The following INPP5F variants were observed in gnomAD, a reference collection of about 807,000 sequenced individuals.
The protein encoded by INPP5F is phosphatidylinositide 4-phosphatase SAC2.
In INPP5F, 97 loss-of-function variants were observed where a neutral mutation model predicts 137.2. That is an observed-to-expected ratio of 0.71 (90% confidence interval 0.60 to 0.84). The LOEUF (loss-of-function observed/expected upper bound fraction) is 0.84, where lower values mean the gene tolerates loss of function less well. Ranked by LOEUF, INPP5F falls within the 40% of genes least tolerant of loss-of-function variation. INPP5F has a pLI of 0.00. For synonymous variants in INPP5F, 504 were observed against 476.9 expected, an observed-to-expected ratio of 1.06 and a Z score of -0.74; for missense variants, 1,271 against 1,371.9, an observed-to-expected ratio of 0.93 and a Z score of 1.16.
rs1020208230 is a variant in INPP5F at position 119,787,532 on chromosome 10, C to T, written c.316-3985C>T. 4.6e-5 allele frequency among the ~76,000 whole-genome samples: 7 copies of T among 151,476 alleles called. No individual in the cohort carries two copies. Among genetic ancestry groups the T allele is most frequent in the African/African-American group, 1.7e-4 (7 of 41,192 alleles). On this transcript the variant is annotated intron_variant, in intron 3 of 19. Coordinates refer to ENST00000650623, the MANE Select transcript of INPP5F (RefSeq NM_014937.4). The surrounding 1 kb of genome is among the most constrained non-coding windows in gnomAD (Gnocchi z 4.1). Reference sequence around the variant, plus strand: ...GGCGGAGGTTGCAGCAAGCTGAGATCGCGCCATTGCACTCTAGCTTGGGTG... The same window carrying T: ...GGCGGAGGTTGCAGCAAGCTGAGATTGCGCCATTGCACTCTAGCTTGGGTG...
chr10:119,773,650 C>CT (rs1849432050), intron 2 of INPP5F, among the ~76,000 whole-genome samples: 1 of 152,132 alleles, frequency 6.6e-6, no homozygotes, highest in Admixed American at 6.5e-5. Context: ...ATTCATTTAT[C>CT]TTTTCCTTTA....
Position 119,827,734 on chromosome 10 carries a change from T to A in INPP5F, c.3353T>A (p.Leu1118His). Residue 1118 changes from leucine to histidine, a missense_variant, in exon 20 of 20, where the codon CTT (leucine) becomes CAT (histidine). Physicochemically the swap from Leu to His is moderately conservative, Grantham distance 99. This residue lies in a region of INPP5F where 490 missense variants were observed against 443.7 expected (regional missense o/e 1.10). Coordinates refer to ENST00000650623, the MANE Select transcript of INPP5F (RefSeq NM_014937.4). The stretch of plus-strand genomic sequence containing the variant: ...ATTAATCAAGTCCAGCAAAATGAAC[T>A]TAAAAAGATGTTTATACAATGCCAG... ...EIINQVQQNELKKMFIQCQTR... is the reference protein window; with the variant it reads ...EIINQVQQNEHKKMFIQCQTR... The A allele has an allele frequency of 6.2e-7, 1 of 1,613,506 alleles. No individual in the cohort carries two copies. The highest frequency in any genetic ancestry group is 8.5e-7 in the Non-Finnish European group (1 of 1,179,644).
At chr10:119,820,268 T>C (rs1456122921) in intron 15 of INPP5F, among the ~76,000 whole-genome samples, 1 of 152,196 alleles carries the variant, frequency 6.6e-6, no homozygotes, top group Non-Finnish European at 1.5e-5. Flanking sequence ...GGTATAAATA[T>C]GGCAAAATGG....
At position 119,827,533 on chromosome 10, in the gene INPP5F, C is replaced by G. The variant is rs1161172835; in HGVS notation, c.3152C>G (p.Thr1051Arg). Residue 1051 changes from threonine to arginine, a missense_variant, in exon 20 of 20, where the codon ACA (threonine) becomes AGA (arginine). Physicochemically the swap from Thr to Arg is moderately conservative, Grantham distance 71 (BLOSUM62 -1). Coordinates refer to ENST00000650623, the MANE Select transcript of INPP5F (RefSeq NM_014937.4). ...GCTTCCAGCATGCTTGAACTTGAGA[C>G]AGGGCTTCATGTAACTCCTTCTCCT... ...TSASSMLELE[T>R]GLHVTPSPSE... The G allele has an allele frequency of 1.9e-6, 3 of 1,614,158 alleles. No individual in the cohort carries two copies. The highest frequency in any genetic ancestry group is 1.1e-5 in the South Asian group (1 of 91,076).
At chr10:119,727,141 G>T (rs1847917751) in intron 1 of INPP5F, among the ~76,000 whole-genome samples, 1 of 152,212 alleles carries the variant, frequency 6.6e-6, no homozygotes, top group African/African-American at 2.4e-5. Context: ...CCAGTTTCTT[G>T]TAAGATGGGG....
chr10:119,806,402 T>C lies in INPP5F; in HGVS notation c.1362T>C (p.Phe454=). 1 of 1,605,008 alleles carries C rather than the reference T, an allele frequency of 6.2e-7. No individual in the cohort carries two copies. Among genetic ancestry groups the C allele is most frequent in the Non-Finnish European group, 8.5e-7 (1 of 1,175,510 alleles). The change falls in exon 12 of 20, where the codon TTT becomes TTC. Residue 454 remains phenylalanine (F), a synonymous_variant. Transcript: ENST00000650623. ...AGVICKQEGI[F]RVNCMDCLDR... ...TAATATGTAAGCAGGAAGGGATTTT[T>C]CGTGTTAATTGTATGGACTGCCTGG...
At chr10:119,798,157 TA>T (rs971793550) in intron 8 of INPP5F, among the ~76,000 whole-genome samples, 114 of 152,086 alleles carry the variant, frequency 7.5e-4, no homozygotes, top group African/African-American at 2.2e-3. Context: ...AGCTTGATTT[TA>T]AAAAAAATGT....
chr10:119,734,267 T>A (rs2134102409), intron 1 of INPP5F, among the ~76,000 whole-genome samples: 1 of 152,330 alleles, frequency 6.6e-6, no homozygotes, highest in Non-Finnish European at 1.5e-5. Flanking sequence ...ATTCATGTAT[T>A]TGCAGATAAT....
At chr10:119,765,105 T>C (rs1193845865) in intron 2 of INPP5F, among the ~76,000 whole-genome samples, 2 of 151,958 alleles carry the variant, frequency 1.3e-5, no homozygotes, top group East Asian at 3.9e-4. Context: ...GCTAATCTTT[T>C]GTGTTTTTCG....
intron 2 of INPP5F, among the ~76,000 whole-genome samples, chr10:119,765,549 T>A (rs1304381428): frequency 8.1e-5 from 12 of 148,466 alleles, no homozygotes; most frequent in Middle Eastern, 3.5e-3. Context: ...TTTTTGTATT[T>A]TTTTTTTTTT....
At chr10:119,730,201 C>T (rs1589656123) in intron 1 of INPP5F, among the ~76,000 whole-genome samples, 1 of 152,088 alleles carries the variant, frequency 6.6e-6, no homozygotes, top group Admixed American at 6.5e-5. Context: ...CCTCCACCTC[C>T]CGGGTTCAAG....
chr10:119,801,329 C>G (rs1850585105), intron 9 of INPP5F, among the ~76,000 whole-genome samples: 1 of 152,206 alleles, frequency 6.6e-6, no homozygotes, highest in Non-Finnish European at 1.5e-5. Flanking sequence ...ACAGTTGGTT[C>G]TCTTCCATTT....
rs558168804 is a variant in INPP5F, at chr10:119,788,974, C to T, written c.316-2543C>T. Among the ~76,000 whole-genome samples, 178 of 152,216 alleles carry T rather than the reference C, an allele frequency of 1.2e-3. 2 individuals are homozygous for T. Among genetic ancestry groups the T allele is most frequent in the African/African-American group, 4.1e-3 (169 of 41,544 alleles). ...GGCGCAGTGGCTCACGCCTATAATC[C>T]CAGCACTTCGGGAGGCCGAGGCGGG... On this transcript the variant is annotated intron_variant, in intron 3 of 19. Transcript: ENST00000650623.
rs769388708 is a variant in INPP5F at position 119,781,672 on chromosome 10, A to T, written c.216A>T (p.Ala72=). The T allele has an allele frequency of 1.2e-6, 2 of 1,612,668 alleles. No homozygotes were observed. Among genetic ancestry groups the T allele is most frequent in the Non-Finnish European group, 1.7e-6 (2 of 1,179,114 alleles). The change falls in exon 3 of 20, where the codon GCA becomes GCT. Residue 72 remains alanine, a synonymous_variant. Transcript: ENST00000650623. The part of the protein sequence containing the change: ...PWWLILIRQK[A]LVGKLPGDHE... The stretch of plus-strand genomic sequence containing the variant: ...GGCTTATTCTAATTCGGCAGAAAGC[A>T]TTGGTGGGCAAACTCCCAGGAGACC...
chr10:119,811,585 C>A (rs567252615), intron 14 of INPP5F, among the ~76,000 whole-genome samples, 172 bp from the exon 15 acceptor site: 1 of 152,136 alleles, frequency 6.6e-6, no homozygotes, highest in Admixed American at 6.5e-5. Context: ...TCTTTTATTG[C>A]TTATGATTTT....
chr10:119,750,685 C>T (rs758690941), intron 1 of INPP5F, among the ~76,000 whole-genome samples: 45 of 152,266 alleles, frequency 3.0e-4, no homozygotes, highest in Non-Finnish European at 4.6e-4. Context: ...GAGTGTGATC[C>T]AGTAAGTGGA....
intron 1 of INPP5F, among the ~76,000 whole-genome samples, chr10:119,740,699 C>T (rs993500279): frequency 3.9e-5 from 6 of 152,116 alleles, no homozygotes; most frequent in Non-Finnish European, 8.8e-5. Flanking sequence ...CCTGCCACCA[C>T]ACCCAGCTAA....
At chr10:119,826,440 C>T (rs1225583459) in intron 19 of INPP5F, among the ~76,000 whole-genome samples, 191 bp from the exon 20 acceptor site, 1 of 152,164 alleles carries the variant, frequency 6.6e-6, no homozygotes, top group Admixed American at 6.5e-5. Flanking sequence ...TGTAATTATG[C>T]ATGTATTTCA....
chr10:119,804,350 T>A, intron 10 of INPP5F, 53 bp downstream of exon 10: 12 of 1,438,442 alleles, frequency 8.3e-6, no homozygotes, highest in Non-Finnish European at 1.1e-5. Context: ...TTTTGGTAGA[T>A]GCTGCCACAG....
Sources: gnomAD v4.1 joint callset for allele counts (sites outside exome capture counted in the v4.1 genomes callset) on GRCh38, gnomAD v4.1.1 for gene constraint, gnomAD v4.1.1 regional missense constraint, Gnocchi (gnomAD v3.1) non-coding constraint, MANE v1.5 for transcripts, NCBI Gene and HGNC (gene_info 2026-07-23, HGNC 2026-07-21) for gene names.